TFDP1: variants seen among roughly 807,000 people sequenced by gnomAD.
TFDP1 encodes the protein DRTF1-polypeptide 1.
A neutral mutation model predicts 48.0 loss-of-function variants in TFDP1; 6 were observed. The observed-to-expected ratio is 0.13, with a 90% CI of 0.07 to 0.25. TFDP1 has a LOEUF of 0.25. TFDP1 is among the 10% of genes least tolerant of loss of function. TFDP1 has a pLI of 1.00. For synonymous variants in TFDP1, 201 were observed against 211.6 expected (o/e 0.95, Z 0.44); for missense variants, 335 against 543.0 (o/e 0.62, Z 3.81).
At chr13:113,599,544 C>G (rs189296291) in intron 2 of TFDP1, among the ~76,000 whole-genome samples, 2 of 152,348 alleles carry the variant, frequency 1.3e-5, no homozygotes, top group Non-Finnish European at 2.9e-5. Context: ...CTTCGAAACC[C>G]TCAAAGGTGT....
At chr13:113,610,081 G>A (rs2048669643) in intron 2 of TFDP1, among the ~76,000 whole-genome samples, 1 of 152,252 alleles carries the variant, frequency 6.6e-6, no homozygotes, top group Non-Finnish European at 1.5e-5. Flanking sequence ...CCCCCTTAAT[G>A]TGTCTTGCCG....
At chr13:113,634,833 G>A (rs2049435697) in intron 8 of TFDP1, among the ~76,000 whole-genome samples, 1 of 151,782 alleles carries the variant, frequency 6.6e-6, no homozygotes, top group Admixed American at 6.6e-5. Context: ...ATGCATGTGT[G>A]TGTGTGTGCA....
intron 2 of TFDP1, among the ~76,000 whole-genome samples, chr13:113,587,482 C>CTTTTT (rs34556944): frequency 1.2e-4 from 15 of 125,480 alleles, no homozygotes; most frequent in African/African-American, 4.0e-4. Flanking sequence ...TTCGCTAGCT[C>CTTTTT]TTTTTTTTTT....
At chr13:113,614,331 G>GC (rs909095587) in intron 3 of TFDP1, among the ~76,000 whole-genome samples, 3 of 152,262 alleles carry the variant, frequency 2.0e-5, no homozygotes, top group East Asian at 1.9e-4. Flanking sequence ...TCACTAGTGG[G>GC]CCCCCCTTGC....
chr13:113,585,478 T>C (rs1276382461), intron 1 of TFDP1: 1 of 190,896 alleles, frequency 5.2e-6, no homozygotes, highest in Non-Finnish European at 1.1e-5. Context: ...CGCTGCGCCC[T>C]GGCTCCTGGG....
At chr13:113,617,693 C>T (rs755556893) in intron 3 of TFDP1, among the ~76,000 whole-genome samples, 1 of 149,500 alleles carries the variant, frequency 6.7e-6, no homozygotes, top group Non-Finnish European at 1.5e-5. Flanking sequence ...CAGAGCTGCT[C>T]ACCTGCAGAG....
chr13:113,594,035 C>A (rs1336331826), intron 2 of TFDP1, among the ~76,000 whole-genome samples: 1 of 142,110 alleles, frequency 7.0e-6, no homozygotes, highest in Admixed American at 7.1e-5. Flanking sequence ...TGTGCAGGTC[C>A]TCACCCACCC....
intron 2 of TFDP1, among the ~76,000 whole-genome samples, chr13:113,606,369 A>T (rs1001804629): frequency 1.3e-5 from 2 of 152,162 alleles, no homozygotes; most frequent in African/African-American, 4.8e-5. Flanking sequence ...GGAGTCCACC[A>T]TCAAGGCCCT....
chr13:113,603,353 G>A (rs890295795), intron 2 of TFDP1, among the ~76,000 whole-genome samples: 1 of 152,254 alleles, frequency 6.6e-6, no homozygotes, highest in Non-Finnish European at 1.5e-5. Context: ...CTGGCAAAGA[G>A]GGAGGCGTTG....
intron 2 of TFDP1, among the ~76,000 whole-genome samples, chr13:113,609,200 G>A (rs990248809): frequency 5.9e-5 from 9 of 152,202 alleles, no homozygotes; most frequent in African/African-American, 1.9e-4. Context: ...TTGATATTGC[G>A]TCACACGCCG....
At chr13:113,632,423 G>A (rs1023586832) in intron 5 of TFDP1, among the ~76,000 whole-genome samples, 1 of 152,236 alleles carries the variant, frequency 6.6e-6, no homozygotes, top group Non-Finnish European at 1.5e-5. Context: ...TGAAATTACA[G>A]CCTGCTGAAA....
intron 2 of TFDP1, among the ~76,000 whole-genome samples, chr13:113,591,024 A>AAG (rs1448102733): frequency 6.7e-6 from 1 of 148,956 alleles, no homozygotes; most frequent in African/African-American, 2.5e-5. Flanking sequence ...AAAAAAAAAA[A>AAG]AAAAAAGAAA....
At position 113,607,632 on chromosome 13, in the gene TFDP1, G is replaced by T. The variant is rs977758215; in HGVS notation, c.13-3364G>T. Among the ~76,000 whole-genome samples the T allele has an allele frequency of 6.6e-6, 1 of 152,166 alleles. No individual in the cohort carries two copies. The highest frequency in any genetic ancestry group is 1.5e-5 in the Non-Finnish European group (1 of 68,034). On this transcript the variant is annotated intron_variant, in intron 2 of 11. Transcript: ENST00000375370. This position sits in a 1 kb window ranked among gnomAD's most constrained non-coding sequence, Gnocchi z 5.2. ...CATTGAGGCTGGCGGAGAAAGACCGGCCCCTTCACCCCACCTTAGACTTCC... is the reference window on the plus strand; with the variant it reads ...CATTGAGGCTGGCGGAGAAAGACCGTCCCCTTCACCCCACCTTAGACTTCC...
intron 1 of TFDP1, chr13:113,585,572 T>G: frequency 2.7e-6 from 1 of 368,156 alleles, no homozygotes; most frequent in South Asian, 4.5e-5. Flanking sequence ...CGGGCCACTT[T>G]TCCGCAGGGG....
intron 4 of TFDP1, among the ~76,000 whole-genome samples, chr13:113,625,825 T>C: frequency 7.9e-6 from 1 of 126,356 alleles, no homozygotes. Flanking sequence ...TCACGCGTCC[T>C]CAGGTGTCTC....
At chr13:113,591,381 T>C (rs947030060) in intron 2 of TFDP1, among the ~76,000 whole-genome samples, 12 of 150,756 alleles carry the variant, frequency 8.0e-5, no homozygotes, top group Non-Finnish European at 1.8e-4. Context: ...CCCTAAAACA[T>C]GCTTTAAAAG....
Position 113,623,127 on chromosome 13 carries a change from G to GC in TFDP1, c.80-51dup. The GC allele has an allele frequency of 6.6e-7, 1 of 1,510,306 alleles. No individual in the cohort carries two copies. The highest frequency in any genetic ancestry group is 9.1e-7 in the Non-Finnish European group (1 of 1,101,070). The allele number at this position is 1,510,306 out of a possible 1,614,324, so 93.6% of individuals were successfully genotyped here. ...CTTGCATTTAGAATGGTCGCTTGTA[G>GC]CCTTAACTTAGAAAAGGAGTCTCGC... On this transcript the variant is annotated intron_variant, in intron 3 of 11. Coordinates refer to ENST00000375370, the MANE Select transcript of TFDP1 (RefSeq NM_007111.5). The surrounding 1 kb of genome is among the most constrained non-coding windows in gnomAD (Gnocchi z 5.2).
In TFDP1 at chr13:113,607,566, C is replaced by G. The variant is rs775642345; in HGVS notation, c.13-3430C>G. On this transcript the variant is annotated intron_variant, in intron 2 of 11. Transcript: ENST00000375370. The surrounding 1 kb of genome is among the most constrained non-coding windows in gnomAD (Gnocchi z 5.2). ...TCCTCATTGCTGCCGTCACTGTGTG[C>G]TGCGCATGCCCTGCAGTTACCCCAG... 3.3e-5 allele frequency among the ~76,000 whole-genome samples: 5 copies of G among 152,226 alleles called. No individual in the cohort carries two copies. Among genetic ancestry groups the G allele is most frequent in the Non-Finnish European group, 7.3e-5 (5 of 68,034 alleles).
At chr13:113,594,157 G>A (rs71449024) in intron 2 of TFDP1, among the ~76,000 whole-genome samples, 1 of 142,548 alleles carries the variant, frequency 7.0e-6, no homozygotes, top group Admixed American at 7.0e-5. Flanking sequence ...CGGGTCCTCA[G>A]CCGTGCCCAG....
Sources: gnomAD v4.1 joint callset for allele counts (sites outside exome capture counted in the v4.1 genomes callset) on GRCh38, gnomAD v4.1.1 for gene constraint, Gnocchi (gnomAD v3.1) non-coding constraint, MANE v1.5 for transcripts, NCBI Gene and HGNC (gene_info 2026-07-23, HGNC 2026-07-21) for gene names.